The following RANBP2 variants were observed in gnomAD, a reference collection of about 807,000 sequenced individuals.
The protein encoded by RANBP2 is E3 SUMO-protein ligase RanBP2.
RANBP2 carries 57 observed loss-of-function variants against 303.6 expected under a neutral mutation model. That is an observed-to-expected ratio of 0.19 (90% CI 0.15 to 0.23). RANBP2 has a LOEUF of 0.23. RANBP2 is among the 10% of genes least tolerant of loss of function. The pLI, the probability that RANBP2 is intolerant of heterozygous loss-of-function variation, is 1.00. For synonymous variants in RANBP2, 1,167 were observed against 1,301.5 expected (o/e 0.90, Z 2.23); for missense variants, 3,138 against 3,780.8 (o/e 0.83, Z 4.46).
the RANBP2 span, among the ~76,000 whole-genome samples, chr2:109,391,935 A>G: frequency 1.3e-5 from 2 of 151,944 alleles, no homozygotes; most frequent in South Asian, 4.1e-4. Flanking sequence ...CTCCCACCTC[A>G]GCCTCCTGAG....
the RANBP2 span, among the ~76,000 whole-genome samples, chr2:109,568,515 G>C: frequency 1.3e-5 from 2 of 151,808 alleles, no homozygotes; most frequent in African/African-American, 2.4e-5. Flanking sequence ...GGGATTACAG[G>C]CACCTCAATC....
chr2:109,613,601 G>T, the RANBP2 span: 1 of 303,102 alleles, frequency 3.3e-6, no homozygotes, highest in African/African-American at 2.2e-5. Flanking sequence ...GTCCGGCCGC[G>T]CCCAGGCTCC....
At chr2:108,817,613 G>A in the RANBP2 span, among the ~76,000 whole-genome samples, 3 of 152,068 alleles carry the variant, frequency 2.0e-5, no homozygotes, top group East Asian at 5.8e-4. Context: ...CTGGAAGCTG[G>A]GAATTGCCCT....
chr2:109,317,259 T>G, the RANBP2 span, among the ~76,000 whole-genome samples: 1 of 152,122 alleles, frequency 6.6e-6, no homozygotes, highest in African/African-American at 2.4e-5. Flanking sequence ...ATTTCCTGCT[T>G]GTGCACAGAT....
the RANBP2 span, chr2:108,876,314 A>G: frequency 3.3e-6 from 3 of 921,076 alleles, no homozygotes; most frequent in Admixed American, 2.5e-5. Flanking sequence ...AGAAATTACC[A>G]AAGTAACTAC....
At chr2:109,162,983 C>G in the RANBP2 span, among the ~76,000 whole-genome samples, 2 of 152,218 alleles carry the variant, frequency 1.3e-5, no homozygotes, top group Non-Finnish European at 2.9e-5. Context: ...TGCACCCTCT[C>G]TGACTGAGGG....
rs539208150 is a variant in RANBP2, at chr2:108,748,703, C to G, written c.1064-217C>G. Among the ~76,000 whole-genome samples, 5 of 152,240 alleles carry G rather than the reference C, an allele frequency of 3.3e-5. No homozygotes were observed. The East Asian group carries it at 5.8e-4, about 18-fold the overall frequency. Reference sequence around the variant, plus strand: ...ATACACATTCCTGTCTTTTTTCCCCCTTCTGCTGTCTTATGTAGATACTGA... The same window carrying G: ...ATACACATTCCTGTCTTTTTTCCCCGTTCTGCTGTCTTATGTAGATACTGA... On this transcript the variant is annotated intron_variant, in intron 8 of 28. Coordinates refer to ENST00000283195, the MANE Select transcript of RANBP2 (RefSeq NM_006267.5).
chr2:108,968,758 T>C, the RANBP2 span, among the ~76,000 whole-genome samples: 3 of 152,112 alleles, frequency 2.0e-5, no homozygotes, highest in East Asian at 5.8e-4. Context: ...CACTAGGAAA[T>C]AAGGTCATGT....
At chr2:109,167,861 G>C in the RANBP2 span, among the ~76,000 whole-genome samples, 1 of 152,202 alleles carries the variant, frequency 6.6e-6, no homozygotes, top group East Asian at 1.9e-4. Context: ...GTGAGCCACT[G>C]CACCCAGCCT....
the RANBP2 span, among the ~76,000 whole-genome samples, chr2:109,066,300 G>A: frequency 2.0e-5 from 3 of 152,060 alleles, no homozygotes; most frequent in Admixed American, 1.3e-4. Context: ...GTAGATACGG[G>A]GTTTCACCAT....
chr2:109,735,293 A>G, the RANBP2 span, among the ~76,000 whole-genome samples: 1 of 152,188 alleles, frequency 6.6e-6, no homozygotes, highest in Non-Finnish European at 1.5e-5. Context: ...ATTTCAGTTA[A>G]CATAAAATCC....
At chr2:109,171,033 G>A in the RANBP2 span, among the ~76,000 whole-genome samples, 501 of 152,324 alleles carry the variant, frequency 3.3e-3, 3 homozygotes, top group African/African-American at 0.011. Context: ...GGTGCTGGGG[G>A]CTGGGGGAGT....
the RANBP2 span, among the ~76,000 whole-genome samples, chr2:109,025,461 C>T: frequency 2.6e-5 from 4 of 152,114 alleles, no homozygotes; most frequent in African/African-American, 4.8e-5. Flanking sequence ...TATAACTTGA[C>T]GTACATATTT....
the RANBP2 span, chr2:108,884,530 A>C: frequency 6.6e-6 from 1 of 152,198 alleles, no homozygotes; most frequent in Non-Finnish European, 1.5e-5. Flanking sequence ...AGAATAAGAG[A>C]AGAGATCTTT....
the RANBP2 span, among the ~76,000 whole-genome samples, chr2:108,945,332 C>T: frequency 2.0e-5 from 3 of 152,142 alleles, no homozygotes; most frequent in Non-Finnish European, 4.4e-5. Flanking sequence ...TCCAGCAGTT[C>T]CAAGGCCATT....
At chr2:109,142,054 T>TC in the RANBP2 span, among the ~76,000 whole-genome samples, 1 of 129,976 alleles carries the variant, frequency 7.7e-6, no homozygotes, top group African/African-American at 2.9e-5. Flanking sequence ...GGGGGGGGGG[T>TC]CTCAGGTATG....
At chr2:109,583,410 G>T in the RANBP2 span, among the ~76,000 whole-genome samples, 1 of 152,166 alleles carries the variant, frequency 6.6e-6, no homozygotes, top group Non-Finnish European at 1.5e-5. Context: ...CTCATCATTA[G>T]AGAAATGCAA....
chr2:109,081,422 A>G, the RANBP2 span, among the ~76,000 whole-genome samples: 36 of 152,266 alleles, frequency 2.4e-4, no homozygotes, highest in African/African-American at 8.2e-4. Context: ...GTGGTCCCCA[A>G]CAACAGTGCT....
chr2:109,653,811 C>G, the RANBP2 span, among the ~76,000 whole-genome samples: 1 of 152,158 alleles, frequency 6.6e-6, no homozygotes, highest in Non-Finnish European at 1.5e-5. Flanking sequence ...AGGTTTCAAT[C>G]AATCAAACAA....
Sources: gnomAD v4.1 joint callset for allele counts (sites outside exome capture counted in the v4.1 genomes callset) on GRCh38, gnomAD v4.1.1 for gene constraint, MANE v1.5 for transcripts, NCBI Gene and HGNC (gene_info 2026-07-23, HGNC 2026-07-21) for gene names.